Variants in KLHL2 observed in about 807,000 individuals in gnomAD.
KLHL2 encodes the protein kelch-like protein 2.
In KLHL2, 15 loss-of-function variants were observed where a neutral mutation model predicts 75.8. The ratio of observed to expected loss-of-function variants is 0.20; its 90% confidence interval spans 0.13 to 0.30. The LOEUF is 0.30. Ranked by LOEUF, KLHL2 falls within the 10% of genes least tolerant of loss-of-function variation. The probability of loss-of-function intolerance (pLI) is 1.00; values close to 1 mark genes in which losing one functional copy is unlikely to be tolerated. For missense variants in KLHL2, 381 were observed against 741.0 expected, an observed-to-expected ratio of 0.51 and a Z score of 5.64; for synonymous variants, 214 against 251.9, an observed-to-expected ratio of 0.85 and a Z score of 1.42.
intron 3 of KLHL2, among the ~76,000 whole-genome samples, chr4:165,235,401 A>G (rs554125542): frequency 2.0e-5 from 3 of 152,272 alleles, no homozygotes; most frequent in Admixed American, 6.5e-5. Context: ...GGGTTTCGCC[A>G]TGTTGGCCAG....
intron 2 of KLHL2, among the ~76,000 whole-genome samples, chr4:165,220,689 A>C (rs547666605): frequency 6.6e-5 from 10 of 152,332 alleles, no homozygotes; most frequent in African/African-American, 2.4e-4. Flanking sequence ...GTGCTGGTCT[A>C]GGGCTTCTAA....
intron 4 of KLHL2, among the ~76,000 whole-genome samples, chr4:165,244,086 A>G (rs1191421855): frequency 1.3e-5 from 2 of 152,114 alleles, no homozygotes; most frequent in South Asian, 2.1e-4. Context: ...AAGAACTGAG[A>G]CACTTGAAAT....
Position 165,207,621 on chromosome 4 carries a change from C to CCCGCCGGTCCCGTCG in KLHL2, c.-249_-235dup, listed in dbSNP as rs1363813390. ...ACCCGGAAGTGGCCGAGCCCGCGCG[C>CCCGCCGGTCCCGTCG]CCGCCGGTCCCGTCGCCGCCGCCCC... On this transcript the variant is annotated 5_prime_UTR_variant, in exon 1 of 15. Coordinates refer to ENST00000226725, the MANE Select transcript of KLHL2 (RefSeq NM_007246.4). This position sits in a 1 kb window ranked among gnomAD's most constrained non-coding sequence, Gnocchi z 4.2. The CCCGCCGGTCCCGTCG allele has an allele frequency of 6.7e-6, 1 of 149,528 alleles. No homozygotes were observed. The highest frequency in any genetic ancestry group is 2.4e-5 in the African/African-American group (1 of 40,970). The allele number at this position is 149,528 out of a possible 1,614,324, so 9.3% of individuals were successfully genotyped here.
intron 13 of KLHL2, among the ~76,000 whole-genome samples, chr4:165,317,100 A>G (rs1339699003): frequency 6.6e-6 from 1 of 152,098 alleles, no homozygotes. Flanking sequence ...CTTTAAAGGG[A>G]GATAAAATAG....
chr4:165,292,320 T>C (rs1416787307), intron 5 of KLHL2, among the ~76,000 whole-genome samples: 1 of 150,028 alleles, frequency 6.7e-6, no homozygotes, highest in African/African-American at 2.4e-5. Flanking sequence ...TTTTTATAGT[T>C]ATCTTGGGGT....
intron 1 of KLHL2, chr4:165,209,984 G>T: frequency 2.7e-6 from 4 of 1,474,244 alleles, no homozygotes; most frequent in Non-Finnish European, 3.6e-6. Context: ...GAGACTTGCA[G>T]GCAGTGTCTT....
At chr4:165,253,014 C>G (rs1426834758) in intron 4 of KLHL2, among the ~76,000 whole-genome samples, 1 of 152,180 alleles carries the variant, frequency 6.6e-6, no homozygotes, top group Non-Finnish European at 1.5e-5. Flanking sequence ...AACACATGCA[C>G]ATCCTCCTGT....
chr4:165,219,327 G>A (rs1737800779), intron 1 of KLHL2, among the ~76,000 whole-genome samples: 2 of 152,254 alleles, frequency 1.3e-5, no homozygotes, highest in East Asian at 3.8e-4. Context: ...GATAATAATA[G>A]TAATTTGCTC....
intron 1 of KLHL2, among the ~76,000 whole-genome samples, chr4:165,214,536 C>T (rs2110953603): frequency 6.6e-6 from 1 of 152,176 alleles, no homozygotes; most frequent in Non-Finnish European, 1.5e-5. Context: ...CTTTTTACAG[C>T]TCCATTGTTC....
chr4:165,240,138 A>G (rs1739698068), intron 4 of KLHL2, among the ~76,000 whole-genome samples: 2 of 152,224 alleles, frequency 1.3e-5, no homozygotes, highest in East Asian at 1.9e-4. Flanking sequence ...TTTGATAGCA[A>G]TGCCAAATTG....
At chr4:165,261,807 C>T (rs763697768) in intron 4 of KLHL2, among the ~76,000 whole-genome samples, 2 of 152,172 alleles carry the variant, frequency 1.3e-5, no homozygotes, top group Admixed American at 6.5e-5. Flanking sequence ...TTAGGACTTA[C>T]TCCATAGATT....
At chr4:165,278,816 T>C in intron 5 of KLHL2, 1 of 1,553,764 alleles carries the variant, frequency 6.4e-7, no homozygotes, top group Non-Finnish European at 8.9e-7. Flanking sequence ...TCCATACGTA[T>C]TTTTGGCTTG....
At chr4:165,226,125 T>C (rs183805110) in intron 2 of KLHL2, among the ~76,000 whole-genome samples, 1 of 152,184 alleles carries the variant, frequency 6.6e-6, no homozygotes, top group Non-Finnish European at 1.5e-5. Flanking sequence ...AAAAGGAAAA[T>C]AGGCATAAAG....
chr4:165,294,961 T>C (rs1267143110), intron 6 of KLHL2, among the ~76,000 whole-genome samples: 1 of 152,166 alleles, frequency 6.6e-6, no homozygotes, highest in Non-Finnish European at 1.5e-5. Context: ...TTCCTTTAGA[T>C]TGATTTCCTG....
chr4:165,282,591 G>C (rs1743779634), intron 5 of KLHL2, among the ~76,000 whole-genome samples: 1 of 152,132 alleles, frequency 6.6e-6, no homozygotes, highest in Admixed American at 6.5e-5. Context: ...TCAGGGTGAT[G>C]ATGAAGACCC....
chr4:165,213,381 A>G (rs970613153), intron 1 of KLHL2, among the ~76,000 whole-genome samples: 11 of 152,130 alleles, frequency 7.2e-5, no homozygotes, highest in Non-Finnish European at 1.0e-4. Context: ...ATCTTATCCT[A>G]TATATCCAAG....
chr4:165,269,092 T>G (rs1308375366), intron 5 of KLHL2, among the ~76,000 whole-genome samples: 1 of 152,234 alleles, frequency 6.6e-6, no homozygotes, highest in Non-Finnish European at 1.5e-5. Context: ...TTTTGATCTT[T>G]GTTGGTTTAA....
At chr4:165,280,260 T>C (rs762842283) in intron 5 of KLHL2, among the ~76,000 whole-genome samples, 1 of 152,236 alleles carries the variant, frequency 6.6e-6, no homozygotes, top group South Asian at 2.1e-4. Context: ...CCCTTGCTTA[T>C]AATCTAACTT....
At chr4:165,239,618 G>C (rs1168949852) in intron 4 of KLHL2, among the ~76,000 whole-genome samples, 1 of 152,024 alleles carries the variant, frequency 6.6e-6, no homozygotes, top group Non-Finnish European at 1.5e-5. Flanking sequence ...CTGGAGTTTA[G>C]GTAAAAGTTG....
Sources: gnomAD v4.1 joint callset for allele counts (sites outside exome capture counted in the v4.1 genomes callset) on GRCh38, gnomAD v4.1.1 for gene constraint, Gnocchi (gnomAD v3.1) non-coding constraint, MANE v1.5 for transcripts, NCBI Gene and HGNC (gene_info 2026-07-23, HGNC 2026-07-21) for gene names.